Variants in CTDP1 observed in about 807,000 individuals in gnomAD.
CTDP1 encodes RNA polymerase II subunit A C-terminal domain phosphatase.
A neutral mutation model predicts 91.8 loss-of-function variants in CTDP1; 47 were observed. The observed-to-expected ratio is 0.51, with a 90% CI of 0.41 to 0.65. CTDP1 has a LOEUF of 0.65. Ranked by LOEUF, CTDP1 falls within the 30% of genes least tolerant of loss-of-function variation. CTDP1 has a pLI of 0.00. For missense variants in CTDP1, 1,272 were observed against 1,373.7 expected, an observed-to-expected ratio of 0.93 and a Z score of 1.17; for synonymous variants, 656 against 598.5, an observed-to-expected ratio of 1.10 and a Z score of -1.40.
chr18:79,709,180 G>C lies in CTDP1; in HGVS notation c.773-1166G>C, dbSNP rs553075739. 2.0e-5 allele frequency among the ~76,000 whole-genome samples: 3 copies of C among 152,320 alleles called. No individual in the cohort carries two copies. The South Asian group carries it at 6.2e-4, about 32-fold the overall frequency. ...TACCAATGGAATAAATTACCTGAAA[G>C]GTTGTTTTGTTTTTGTTTAGTACCC... On this transcript the variant is annotated intron_variant, in intron 5 of 12. Coordinates refer to ENST00000613122, the MANE Select transcript of CTDP1 (RefSeq NM_004715.5).
chr18:79,740,316 G>T (rs879693097), intron 12 of CTDP1, among the ~76,000 whole-genome samples: 1 of 152,246 alleles, frequency 6.6e-6, no homozygotes, highest in Non-Finnish European at 1.5e-5. Context: ...CCCCTCAAAA[G>T]GGTGGGGCGG....
chr18:79,690,492 G>A (rs570445741), intron 1 of CTDP1, among the ~76,000 whole-genome samples: 12 of 152,322 alleles, frequency 7.9e-5, no homozygotes, highest in African/African-American at 2.6e-4. Context: ...AATCCACAAC[G>A]TGTCACACCC....
intron 11 of CTDP1, among the ~76,000 whole-genome samples, 163 bp downstream of exon 11, chr18:79,729,232 C>T (rs1445317009): frequency 6.6e-6 from 1 of 152,250 alleles, no homozygotes; most frequent in East Asian, 1.9e-4. Context: ...GTTTTTCACG[C>T]AACTTCCTAT....
At chr18:79,718,332 A>T (rs1274339990) in intron 10 of CTDP1, among the ~76,000 whole-genome samples, 4 of 152,174 alleles carry the variant, frequency 2.6e-5, no homozygotes, top group African/African-American at 9.7e-5. Flanking sequence ...TCAGCAGAGA[A>T]CGAGCAGAGC....
At chr18:79,677,852 TA>T (rs1348779385), upstream of CTDP1, 1 of 152,270 alleles carries the variant, frequency 6.6e-6, no homozygotes, top group South Asian at 2.1e-4. Context: ...CAGTGGTCTG[TA>T]AATGTTGCCC....
chr18:79,732,396 C>A (rs79473215), intron 11 of CTDP1, among the ~76,000 whole-genome samples: 2 of 77,242 alleles, frequency 2.6e-5, no homozygotes, highest in East Asian at 4.6e-4. Context: ...CAAAATCACG[C>A]GAGACATGAG....
chr18:79,751,466 C>T (rs73972727), intron 12 of CTDP1, among the ~76,000 whole-genome samples: 39 of 152,268 alleles, frequency 2.6e-4, no homozygotes, highest in African/African-American at 8.7e-4. Flanking sequence ...TCCTGGACCA[C>T]GAACAGTTGG....
At chr18:79,681,428 C>T (rs2085365585) in intron 1 of CTDP1, 5 of 983,480 alleles carry the variant, frequency 5.1e-6, no homozygotes, top group Non-Finnish European at 6.0e-6. Context: ...GGTGTATTCC[C>T]TGGACAGAAA....
chr18:79,679,171 G>A (rs748968015), upstream of CTDP1: 3 of 319,194 alleles, frequency 9.4e-6, no homozygotes, highest in Admixed American at 8.7e-5. Context: ...TGCCCCAGAC[G>A]GGCCCACCGC....
upstream of CTDP1, among the ~76,000 whole-genome samples, chr18:79,677,063 T>C (rs1175002118): frequency 6.6e-6 from 1 of 152,228 alleles, no homozygotes; most frequent in Non-Finnish European, 1.5e-5. Flanking sequence ...TAACACACGG[T>C]TCTTCCCATT....
intron 12 of CTDP1, among the ~76,000 whole-genome samples, chr18:79,746,796 T>G (rs922843106): frequency 2.6e-5 from 4 of 152,140 alleles, no homozygotes; most frequent in Admixed American, 6.5e-5. Flanking sequence ...TTTTTAAAAT[T>G]TTTTTGTAGA....
chr18:79,678,455 G>T (rs1424131773), upstream of CTDP1: 1 of 152,110 alleles, frequency 6.6e-6, no homozygotes, highest in Non-Finnish European at 1.5e-5. Context: ...CCACTCCCTG[G>T]CCCCCTTTTT....
intron 12 of CTDP1, among the ~76,000 whole-genome samples, chr18:79,740,264 G>A (rs1438072264): frequency 6.6e-6 from 1 of 152,244 alleles, no homozygotes; most frequent in Non-Finnish European, 1.5e-5. Context: ...CGCTGTGGAC[G>A]TGTGGCCGCG....
intron 11 of CTDP1, 104 bp downstream of exon 11, chr18:79,729,173 T>C: frequency 7.1e-7 from 1 of 1,416,112 alleles, no homozygotes; most frequent in South Asian, 1.2e-5. Context: ...GAGGCCGAGC[T>C]AGAGTCCTGC....
chr18:79,723,798 T>C (rs1599273791), intron 10 of CTDP1, among the ~76,000 whole-genome samples: 1 of 152,146 alleles, frequency 6.6e-6, no homozygotes, highest in Non-Finnish European at 1.5e-5. Flanking sequence ...CCCTGACCCT[T>C]GGCCCTCCAC....
At chr18:79,726,136 G>A (rs1364017615) in intron 10 of CTDP1, among the ~76,000 whole-genome samples, 1 of 152,202 alleles carries the variant, frequency 6.6e-6, no homozygotes, top group Non-Finnish European at 1.5e-5. Context: ...GGATGCTGAG[G>A]CTTTTTGTAT....
intron 11 of CTDP1, among the ~76,000 whole-genome samples, chr18:79,733,058 C>T (rs2086597119): frequency 6.6e-6 from 1 of 152,222 alleles, no homozygotes; most frequent in African/African-American, 2.4e-5. Flanking sequence ...TGGGCGTGGC[C>T]AAAGCACTGT....
At chr18:79,729,534 CAG>C (rs1449112197) in intron 11 of CTDP1, among the ~76,000 whole-genome samples, 1 of 152,246 alleles carries the variant, frequency 6.6e-6, no homozygotes, top group East Asian at 1.9e-4. Context: ...CACACGCACA[CAG>C]AGTGACTGGT....
At chr18:79,690,362 A>T (rs1430373331) in intron 1 of CTDP1, among the ~76,000 whole-genome samples, 1 of 152,190 alleles carries the variant, frequency 6.6e-6, no homozygotes, top group African/African-American at 2.4e-5. Context: ...GTTGCATGTC[A>T]TGGCTTTCTC....
Sources: gnomAD v4.1 joint callset for allele counts (sites outside exome capture counted in the v4.1 genomes callset) on GRCh38, gnomAD v4.1.1 for gene constraint, MANE v1.5 for transcripts, NCBI Gene and HGNC (gene_info 2026-07-23, HGNC 2026-07-21) for gene names.